NUP93: variants seen among roughly 807,000 people sequenced by gnomAD.
The protein encoded by NUP93 is nucleoporin 93, also known as nuclear pore complex protein Nup93.
A neutral mutation model predicts 107.8 loss-of-function variants in NUP93; 55 were observed. The ratio of observed to expected loss-of-function variants is 0.51; its 90% CI spans 0.41 to 0.64. The LOEUF (loss-of-function observed/expected upper bound fraction) is 0.64. Ranked by LOEUF, NUP93 falls within the 30% of genes least tolerant of loss-of-function variation. The probability of loss-of-function intolerance (pLI) is 0.00; values close to 1 mark genes in which losing one functional copy is unlikely to be tolerated. For missense variants in NUP93, 937 were observed against 1,044.7 expected (o/e 0.90, Z 1.42); for synonymous variants, 390 against 397.5 (o/e 0.98, Z 0.22).
rs777155306 is a variant in NUP93, at chr16:56,829,097, G to A, written c.915G>A (p.Leu305=). 2 of 1,613,108 alleles carry A rather than the reference G, an allele frequency of 1.2e-6. No homozygotes were observed. The highest frequency in any genetic ancestry group is 1.7e-5 in the Admixed American group (1 of 59,792). ...SFLNIKLPAP[L]PGLQDGEVEG... Reference sequence around the variant, plus strand: ...TGAACATTAAACTGCCAGCTCCCTTGCCTGGACTACAGGTACTGACAACTT... The same window carrying A: ...TGAACATTAAACTGCCAGCTCCCTTACCTGGACTACAGGTACTGACAACTT... The change falls in exon 9 of 22, where the codon TTG becomes TTA. Residue 305 remains leucine (L), a synonymous_variant. Coordinates refer to ENST00000308159, the MANE Select transcript of NUP93 (RefSeq NM_014669.5).
intron 3 of NUP93, among the ~76,000 whole-genome samples, chr16:56,764,974 C>G (rs1057394664): frequency 6.6e-5 from 10 of 152,192 alleles, no homozygotes; most frequent in African/African-American, 2.2e-4. Flanking sequence ...TTAGCAAATC[C>G]GAGGAAGAGA....
chr16:56,765,492 A>G (rs1261580972), intron 3 of NUP93, among the ~76,000 whole-genome samples: 1 of 152,188 alleles, frequency 6.6e-6, no homozygotes, highest in African/African-American at 2.4e-5. Flanking sequence ...TTATCACCAG[A>G]TCCAAAGTCT....
At chr16:56,783,289 CT>C (rs1485900035) in intron 3 of NUP93, 1 of 162,742 alleles carries the variant, frequency 6.1e-6, no homozygotes, top group African/African-American at 2.4e-5. Context: ...GGTGTGGGGA[CT>C]TTCTTTACTC....
chr16:56,737,145 C>T (rs763669639), intron 1 of NUP93, among the ~76,000 whole-genome samples: 1 of 152,196 alleles, frequency 6.6e-6, no homozygotes, highest in Non-Finnish European at 1.5e-5. Context: ...ATCAAAATAT[C>T]TGTTGTTCTG....
intron 3 of NUP93, among the ~76,000 whole-genome samples, chr16:56,781,253 C>T (rs1962508797): frequency 6.6e-6 from 1 of 152,098 alleles, no homozygotes; most frequent in Non-Finnish European, 1.5e-5. Context: ...CTGTATATTC[C>T]TGAAATGCAA....
chr16:56,829,245 G>T, intron 9 of NUP93, 136 bp downstream of exon 9: 2 of 1,091,174 alleles, frequency 1.8e-6, no homozygotes, highest in Non-Finnish European at 2.6e-6. Context: ...AGGACAGAAG[G>T]TAAAGACCTC....
chr16:56,790,077 A>G (rs529681073), intron 3 of NUP93, among the ~76,000 whole-genome samples: 2 of 149,862 alleles, frequency 1.3e-5, no homozygotes, highest in East Asian at 4.0e-4. Flanking sequence ...AGCCTGGGCA[A>G]CAAGAGCAAA....
intron 1 of NUP93, among the ~76,000 whole-genome samples, chr16:56,730,505 C>T (rs1365240738): frequency 6.6e-6 from 1 of 152,148 alleles, no homozygotes; most frequent in African/African-American, 2.4e-5. Context: ...GCGCCACGCC[C>T]CTGCCCTCAC....
At chr16:56,757,017 A>G (rs2144478779) in intron 2 of NUP93, among the ~76,000 whole-genome samples, 1 of 152,318 alleles carries the variant, frequency 6.6e-6, no homozygotes, top group African/African-American at 2.4e-5. Context: ...AGATACGGCA[A>G]CCTGGAGGGA....
intron 18 of NUP93, 143 bp downstream of exon 18, chr16:56,837,869 C>G (rs1473023282): frequency 3.2e-6 from 2 of 618,444 alleles, no homozygotes; most frequent in African/African-American, 3.7e-5. Context: ...ACCATGCCAC[C>G]AGCACTGTGT....
chr16:56,732,449 T>C (rs1240829264), intron 1 of NUP93, among the ~76,000 whole-genome samples: 1 of 152,066 alleles, frequency 6.6e-6, no homozygotes, highest in East Asian at 1.9e-4. Flanking sequence ...AGATAGGAAG[T>C]GTGATGTCAG....
chr16:56,783,972 A>G (rs530444351), intron 3 of NUP93: 1 of 807,636 alleles, frequency 1.2e-6, no homozygotes, highest in East Asian at 1.3e-4. Flanking sequence ...AAATATGAAA[A>G]GTGTAACGCA....
intron 20 of NUP93, 102 bp downstream of exon 20, chr16:56,839,706 T>C (rs1300074232): frequency 3.2e-6 from 3 of 944,822 alleles, no homozygotes; most frequent in Non-Finnish European, 5.0e-6. Context: ...CTAGTTACAG[T>C]AACTATCCAG....
chr16:56,745,187 C>T (rs1283713975), intron 1 of NUP93, among the ~76,000 whole-genome samples: 3 of 152,072 alleles, frequency 2.0e-5, no homozygotes, highest in African/African-American at 7.2e-5. Context: ...GGGAGTCAGC[C>T]TTGAGTGTTT....
intron 5 of NUP93, 141 bp downstream of exon 5, chr16:56,805,773 G>T (rs1210159338): frequency 1.1e-6 from 1 of 898,582 alleles, no homozygotes; most frequent in Non-Finnish European, 1.7e-6. Flanking sequence ...TTAGGATGCC[G>T]CATTTGCCTG....
chr16:56,733,755 T>G (rs1303390845), intron 1 of NUP93, among the ~76,000 whole-genome samples: 2 of 152,202 alleles, frequency 1.3e-5, no homozygotes, highest in Non-Finnish European at 2.9e-5. Flanking sequence ...CCTAGCTCAC[T>G]TATTTGCCTT....
intron 3 of NUP93, among the ~76,000 whole-genome samples, chr16:56,773,344 G>A (rs1223610158): frequency 6.6e-6 from 1 of 152,184 alleles, no homozygotes; most frequent in African/African-American, 2.4e-5. Context: ...TTTTGAGGAT[G>A]GGGCAGTGTT....
rs1964116789 is a variant in NUP93, at chr16:56,846,348, C to A, written c.*1739C>A. On this transcript the variant is annotated 3_prime_UTR_variant, in exon 22 of 22. Coordinates refer to ENST00000308159, the MANE Select transcript of NUP93 (RefSeq NM_014669.5). Reference sequence around the variant, plus strand: ...GCTTGAACCCGGGAGGCGAAGGTTGCAGTGATCTGAGATCATGCCACTGCA... The same window carrying A: ...GCTTGAACCCGGGAGGCGAAGGTTGAAGTGATCTGAGATCATGCCACTGCA... The A allele has an allele frequency of 6.6e-6, 1 of 151,646 alleles. No homozygotes were observed. The highest frequency in any genetic ancestry group is 1.5e-5 in the Non-Finnish European group (1 of 68,006). 9.4% of individuals were successfully genotyped at this position (151,646 alleles called of 1,614,324 possible).
At chr16:56,827,628 A>G (rs530542932) in intron 8 of NUP93, among the ~76,000 whole-genome samples, 1 of 152,340 alleles carries the variant, frequency 6.6e-6, no homozygotes, top group South Asian at 2.1e-4. Context: ...ATGTAGGGCT[A>G]CTGGCAAAAA....
Sources: allele counts gnomAD v4.1 joint callset (sites outside exome capture counted in the v4.1 genomes callset), GRCh38; gene constraint gnomAD v4.1.1; transcripts MANE v1.5; gene names NCBI Gene and HGNC (gene_info 2026-07-23, HGNC 2026-07-21).